The following LUC7L2 variants were observed in gnomAD, a reference collection of about 807,000 sequenced individuals.
The protein encoded by LUC7L2 is putative RNA-binding protein Luc7-like 2.
In LUC7L2, 25 loss-of-function variants were observed where a neutral mutation model predicts 52.8. The ratio of observed to expected loss-of-function variants is 0.47; its 90% confidence interval spans 0.34 to 0.66. The LOEUF (loss-of-function observed/expected upper bound fraction) is 0.66. LUC7L2 is among the 30% of genes least tolerant of loss of function. LUC7L2 has a pLI of 0.01. For missense variants in LUC7L2, 328 were observed against 497.8 expected, an observed-to-expected ratio of 0.66 and a Z score of 3.25; for synonymous variants, 144 against 160.9, an observed-to-expected ratio of 0.89 and a Z score of 0.80.
At chr7:139,355,520 C>T (rs1216325069), upstream of LUC7L2, among the ~76,000 whole-genome samples, 1 of 152,138 alleles carries the variant, frequency 6.6e-6, no homozygotes, top group Non-Finnish European at 1.5e-5. Context: ...AAGAAGCAGC[C>T]AAGCTTGGAA....
intron 2 of LUC7L2, among the ~76,000 whole-genome samples, chr7:139,388,003 T>A (rs1359780368): frequency 6.6e-6 from 1 of 152,196 alleles, no homozygotes; most frequent in Non-Finnish European, 1.5e-5. Context: ...TTGTTTACAC[T>A]CTTTTCTTCT....
Position 139,398,816 on chromosome 7 carries a change from G to A in LUC7L2, c.255+119G>A, listed in dbSNP as rs566155767. 2.4e-3 allele frequency: 1,996 copies of A among 824,710 alleles called. 5 individuals carry two copies. The highest frequency in any genetic ancestry group is 3.3e-3 in the Non-Finnish European group (1,873 of 561,926). 51.1% of individuals were successfully genotyped at this position (824,710 alleles called of 1,614,324 possible). Reference sequence around the variant, plus strand: ...AGTTTATCCTCTGGTTATATGAAGGGTAAGACTCAAGTAAGATCATGTACT... The same window carrying A: ...AGTTTATCCTCTGGTTATATGAAGGATAAGACTCAAGTAAGATCATGTACT... On this transcript the variant is annotated intron_variant, in intron 3 of 9. Transcript: ENST00000354926.
At chr7:139,371,477 T>G (rs1050427467) in intron 1 of LUC7L2, 2 of 1,549,796 alleles carry the variant, frequency 1.3e-6, no homozygotes, top group Non-Finnish European at 1.7e-6. Flanking sequence ...AAGTAAAATT[T>G]TGATGTTTTT....
intron 2 of LUC7L2, among the ~76,000 whole-genome samples, chr7:139,388,223 G>A (rs895556325): frequency 1.3e-5 from 2 of 152,072 alleles, no homozygotes; most frequent in Non-Finnish European, 2.9e-5. Flanking sequence ...TGTGTGATAA[G>A]ACCTCTTGTT....
chr7:139,360,235 C>G lies in LUC7L2; in HGVS notation c.-27C>G, dbSNP rs749563085. ...AAGGGCCCGGTCTGCGCCCCACCCC[C>G]GCCCGTCCGCCCGCTACGCCGCCGC... On this transcript the variant is annotated 5_prime_UTR_variant, in exon 1 of 10. Transcript: ENST00000354926. 3 of 1,541,462 alleles carry G rather than the reference C, an allele frequency of 1.9e-6. No homozygotes were observed. Among genetic ancestry groups the G allele is most frequent in the East Asian group, 2.5e-5 (1 of 40,524 alleles).
chr7:139,350,270 C>T (rs35103167), intron 1 of LUC7L2, among the ~76,000 whole-genome samples: 5,981 of 151,992 alleles, frequency 0.039, 169 homozygotes, highest in Non-Finnish European at 0.058. Flanking sequence ...TACAGGCGCC[C>T]GCCACCACGC....
intron 1 of LUC7L2, among the ~76,000 whole-genome samples, chr7:139,367,251 C>T (rs1800209157): frequency 1.3e-5 from 2 of 152,058 alleles, no homozygotes; most frequent in Admixed American, 6.6e-5. Context: ...GTATTACAGG[C>T]GTGAACCACC....
chr7:139,412,955 T>C (rs1273231366), intron 8 of LUC7L2: 2 of 154,306 alleles, frequency 1.3e-5, no homozygotes, highest in African/African-American at 4.8e-5. Context: ...TTCTAAGAGG[T>C]TGTAGCTGTT....
chr7:139,379,370 C>CCTT (rs577318418), intron 2 of LUC7L2, among the ~76,000 whole-genome samples: 3 of 144,508 alleles, frequency 2.1e-5, no homozygotes, highest in Non-Finnish European at 4.5e-5. Context: ...CATTTCCTGC[C>CCTT]TTTTTTTTTT....
intron 8 of LUC7L2, among the ~76,000 whole-genome samples, chr7:139,413,557 C>T (rs1260551036): frequency 3.3e-5 from 5 of 152,214 alleles, no homozygotes; most frequent in Non-Finnish European, 1.5e-5. Context: ...GCAGCCAGAT[C>T]ACCTGAAGTC....
intron 8 of LUC7L2, chr7:139,416,039 A>AT (rs1795586245): frequency 3.6e-5 from 4 of 112,600 alleles, no homozygotes; most frequent in Non-Finnish European, 7.4e-5. Context: ...TTGAGGTATA[A>AT]AATATATATA....
At chr7:139,348,728 A>T (rs544772919) in intron 1 of LUC7L2, among the ~76,000 whole-genome samples, 68 of 152,212 alleles carry the variant, frequency 4.5e-4, no homozygotes, top group Middle Eastern at 6.8e-3. Context: ...AAAAAAAAAA[A>T]ATATTTATAT....
At chr7:139,398,720 TTTG>T (rs760734529) in intron 3 of LUC7L2, 23 bp downstream of exon 3, 5 of 1,598,584 alleles carry the variant, frequency 3.1e-6, no homozygotes, top group Non-Finnish European at 4.3e-6. Flanking sequence ...GCTTTAATGG[TTTG>T]TTGTTATCTT....
chr7:139,399,921 A>T (rs1218004780), intron 3 of LUC7L2, among the ~76,000 whole-genome samples: 1 of 84,410 alleles, frequency 1.2e-5, no homozygotes, highest in Non-Finnish European at 2.4e-5. Context: ...GCATATATAT[A>T]ATCAGCATTA....
intron 9 of LUC7L2, among the ~76,000 whole-genome samples, chr7:139,418,374 G>A (rs1795724054): frequency 6.6e-6 from 1 of 152,192 alleles, no homozygotes; most frequent in Admixed American, 6.5e-5. Flanking sequence ...TTCATAGTCT[G>A]TATAGATCAA....
In LUC7L2 at chr7:139,341,476, A is replaced by G; in HGVS notation, c.-26+959A>G. On this transcript the variant is annotated intron_variant, in intron 1 of 10. Transcript: ENST00000541170. ...GCGGCCACCGGCCGACCCTATCGCG[A>G]CACCGCGGCCTATCGGTACCTTGTG... The G allele has an allele frequency of 3.7e-6, 6 of 1,613,730 alleles. 1 individual carries two copies. In the South Asian group the frequency reaches 5.5e-5, roughly 15 times the overall value.
At chr7:139,353,935 C>T (rs1400162496) in intron 1 of LUC7L2, among the ~76,000 whole-genome samples, 3 of 151,484 alleles carry the variant, frequency 2.0e-5, no homozygotes, top group African/African-American at 4.9e-5. Context: ...GGCAACATGG[C>T]GAAACCCCGT....
intron 9 of LUC7L2, among the ~76,000 whole-genome samples, chr7:139,420,239 T>TGTCA (rs1292061691): frequency 6.6e-6 from 1 of 152,248 alleles, no homozygotes; most frequent in Non-Finnish European, 1.5e-5. Context: ...AGTCTCGTTC[T>TGTCA]GTCACCCAGG....
chr7:139,402,104 C>T (rs568248848), intron 3 of LUC7L2, 33 bp from the exon 4 acceptor site: 1 of 1,543,662 alleles, frequency 6.5e-7, no homozygotes, highest in East Asian at 2.3e-5. Flanking sequence ...AATTGACTTT[C>T]TGACAGTAAT....
Sources: gnomAD v4.1 joint callset for allele counts (sites outside exome capture counted in the v4.1 genomes callset) on GRCh38, gnomAD v4.1.1 for gene constraint, MANE v1.5 for transcripts, NCBI Gene and HGNC (gene_info 2026-07-23, HGNC 2026-07-21) for gene names.